Variants in ERBB4 observed in about 807,000 individuals in gnomAD.
ERBB4 encodes receptor tyrosine-protein kinase erbB-4.
A neutral mutation model predicts 158.0 loss-of-function variants in ERBB4; 42 were observed. That is an observed-to-expected ratio of 0.27 (90% CI 0.21 to 0.34). The LOEUF (loss-of-function observed/expected upper bound fraction) is 0.34. Among genes scored for constraint, ERBB4 ranks in the 10% least tolerant of loss-of-function variants. ERBB4 has a pLI of 1.00. For synonymous variants in ERBB4, 583 were observed against 558.7 expected (o/e 1.04, Z -0.61); for missense variants, 1,333 against 1,624.1 (o/e 0.82, Z 3.08).
intron 3 of ERBB4, among the ~76,000 whole-genome samples, chr2:211,943,118 T>C (rs1181170043): frequency 1.3e-5 from 2 of 152,080 alleles, no homozygotes; most frequent in Non-Finnish European, 2.9e-5. Context: ...ATATCTACAA[T>C]ATAATATATA....
At chr2:211,541,572 C>A (rs1380472222) in intron 20 of ERBB4, among the ~76,000 whole-genome samples, 2 of 151,964 alleles carry the variant, frequency 1.3e-5, no homozygotes, top group Non-Finnish European at 2.9e-5. Context: ...GGGAAAAAGT[C>A]TTTATAATAG....
rs1370185208 is a variant in ERBB4, at chr2:211,892,625, T to C, written c.421+54805A>G. ...GGAAAAGAGGAAGTCAAATTGTCCC[T>C]GTTTGCAGATGACGTGATTGTATAT... is the stretch of plus-strand genomic sequence containing the variant. On this transcript the variant is annotated intron_variant, in intron 3 of 27. Transcript: ENST00000342788. Among the ~76,000 whole-genome samples, 3 of 145,778 alleles carry C rather than the reference T, an allele frequency of 2.1e-5. No individual in the cohort carries two copies. The East Asian group carries it at 5.8e-4, about 28-fold the overall frequency.
rs2068057642 is a variant in ERBB4 at position 211,580,817 on chromosome 2, A to AT, written c.2302-18730dup. On this transcript the variant is annotated intron_variant, in intron 19 of 27. Transcript: ENST00000342788. ...ATATATATATATATATATATAATAT[A>AT]TATATATTATATATATAGATTATAT... Among the ~76,000 whole-genome samples, 7 of 31,738 alleles carry AT rather than the reference A, an allele frequency of 2.2e-4. 1 individual carries two copies. The South Asian group carries it at 6.8e-3, about 31-fold the overall frequency. The allele number at this position is 31,738 out of a possible 152,430, so 20.8% of individuals were successfully genotyped here.
chr2:211,387,860 G>A, intron 26 of ERBB4, 85 bp downstream of exon 26: 3 of 1,078,228 alleles, frequency 2.8e-6, no homozygotes, highest in Non-Finnish European at 4.3e-6. Flanking sequence ...GGCAAAATGA[G>A]GAAATTATGC....
chr2:212,272,191 CAT>C (rs1380379388), intron 1 of ERBB4, among the ~76,000 whole-genome samples: 3 of 151,652 alleles, frequency 2.0e-5, no homozygotes, highest in African/African-American at 7.3e-5. Flanking sequence ...TATATTCTAA[CAT>C]ACACACACAT....
intron 1 of ERBB4, among the ~76,000 whole-genome samples, chr2:212,297,422 G>A (rs1215157200): frequency 3.3e-5 from 5 of 151,840 alleles, no homozygotes; most frequent in Non-Finnish European, 1.5e-5. Flanking sequence ...AGATTAAATC[G>A]ATGGTATATA....
chr2:211,456,725 C>A (rs529376393), intron 20 of ERBB4, among the ~76,000 whole-genome samples: 2 of 152,150 alleles, frequency 1.3e-5, no homozygotes, highest in South Asian at 4.1e-4. Context: ...AAAACTGTCC[C>A]AACTCAGGTC....
At chr2:211,649,163 A>G (rs2070889924) in intron 16 of ERBB4, among the ~76,000 whole-genome samples, 1 of 151,866 alleles carries the variant, frequency 6.6e-6, no homozygotes, top group Non-Finnish European at 1.5e-5. Flanking sequence ...AAAATCCTAC[A>G]CAGAAGTAGG....
chr2:212,213,300 A>C (rs2082995769), intron 1 of ERBB4, among the ~76,000 whole-genome samples: 1 of 152,072 alleles, frequency 6.6e-6, no homozygotes, highest in Admixed American at 6.6e-5. Context: ...CAGCCAACAA[A>C]CGTATGAAAG....
At chr2:212,503,224 G>T (rs987873573) in intron 1 of ERBB4, among the ~76,000 whole-genome samples, 1 of 152,096 alleles carries the variant, frequency 6.6e-6, no homozygotes, top group African/African-American at 2.4e-5. Flanking sequence ...TTGTTGTTTT[G>T]TTCTATCAGC....
chr2:211,699,227 C>A (rs1031599489), intron 12 of ERBB4, among the ~76,000 whole-genome samples: 1 of 152,094 alleles, frequency 6.6e-6, no homozygotes, highest in Non-Finnish European at 1.5e-5. Context: ...TGTATATATG[C>A]ATGTGTGTTG....
At chr2:212,438,238 T>C (rs2092180100) in intron 1 of ERBB4, among the ~76,000 whole-genome samples, 1 of 152,092 alleles carries the variant, frequency 6.6e-6, no homozygotes, top group South Asian at 2.1e-4. Context: ...CAGACTTAGA[T>C]AGTACTCCTA....
intron 1 of ERBB4, among the ~76,000 whole-genome samples, chr2:212,154,562 T>C (rs1418467970): frequency 6.6e-6 from 1 of 152,144 alleles, no homozygotes; most frequent in East Asian, 1.9e-4. Flanking sequence ...CTAGTTACTG[T>C]TGAGTGGCAC....
At chr2:212,395,778 T>C (rs568518594) in intron 1 of ERBB4, among the ~76,000 whole-genome samples, 16 of 151,876 alleles carry the variant, frequency 1.1e-4, no homozygotes, top group Non-Finnish European at 2.2e-4. Flanking sequence ...TGCCACCACA[T>C]CCAGCTAATT....
At chr2:211,472,733 T>C (rs2064858058) in intron 20 of ERBB4, among the ~76,000 whole-genome samples, 1 of 151,956 alleles carries the variant, frequency 6.6e-6, no homozygotes, top group African/African-American at 2.4e-5. Context: ...TTTGTTATCT[T>C]GTTCCTTTGT....
At chr2:211,765,054 T>A (rs1283425103) in intron 4 of ERBB4, among the ~76,000 whole-genome samples, 1 of 152,094 alleles carries the variant, frequency 6.6e-6, no homozygotes, top group African/African-American at 2.4e-5. Context: ...TAGGTGGACG[T>A]CAAGAGCATG....
In ERBB4 at chr2:211,382,128, A is replaced by G. The variant is rs2062583257; in HGVS notation, c.*1487T>C. On this transcript the variant is annotated 3_prime_UTR_variant, in exon 28 of 28. Coordinates refer to ENST00000342788, the MANE Select transcript of ERBB4 (RefSeq NM_005235.3). Reference sequence around the variant, plus strand: ...ACATTTATTTACAACTTTTGACCCAAGGACCTATCCCTAAGCTTTGAATGT... The same window carrying G: ...ACATTTATTTACAACTTTTGACCCAGGGACCTATCCCTAAGCTTTGAATGT... 8.7e-6 allele frequency: 2 copies of G among 230,882 alleles called. No homozygotes were observed. The highest frequency in any genetic ancestry group is 1.1e-4 in the Admixed American group (2 of 17,706). 14.3% of individuals were successfully genotyped at this position (230,882 alleles called of 1,614,324 possible).
intron 2 of ERBB4, among the ~76,000 whole-genome samples, chr2:211,955,277 G>A (rs904086426): frequency 6.6e-6 from 1 of 152,002 alleles, no homozygotes; most frequent in African/African-American, 2.4e-5. Flanking sequence ...TGGCCGCTTA[G>A]CCAGCTCTCA....
chr2:212,481,290 G>A (rs1434244749), intron 1 of ERBB4, among the ~76,000 whole-genome samples: 1 of 151,852 alleles, frequency 6.6e-6, no homozygotes, highest in Non-Finnish European at 1.5e-5. Flanking sequence ...AATGCTTTTT[G>A]AAAGCAGCTT....
Sources: gnomAD v4.1 joint callset for allele counts (sites outside exome capture counted in the v4.1 genomes callset) on GRCh38, gnomAD v4.1.1 for gene constraint, MANE v1.5 for transcripts, NCBI Gene and HGNC (gene_info 2026-07-23, HGNC 2026-07-21) for gene names.